CLEC2A: variants seen among roughly 807,000 people sequenced by gnomAD.
CLEC2A encodes keratinocyte-associated C-type lectin.
Under a neutral mutation model 18.6 loss-of-function variants are expected in CLEC2A, and 19 were observed. That is an observed-to-expected ratio of 1.02 (90% confidence interval 0.71 to 1.50). The LOEUF (loss-of-function observed/expected upper bound fraction) is 1.50, where lower values mean the gene tolerates loss of function less well. Ranked by LOEUF, CLEC2A falls within the 40% of genes most tolerant of loss-of-function variation. The pLI, the probability that CLEC2A is intolerant of heterozygous loss-of-function variation, is 0.00. For synonymous variants in CLEC2A, 74 were observed against 64.0 expected (o/e 1.16, Z -0.75); for missense variants, 190 against 207.9 (o/e 0.91, Z 0.53).
the CLEC2A span, among the ~76,000 whole-genome samples, chr12:9,884,650 T>C: frequency 1.3e-5 from 2 of 149,378 alleles, no homozygotes; most frequent in Admixed American, 6.7e-5. Context: ...ATATATAATA[T>C]GTATTTGTAT....
At chr12:9,903,206 CA>C (rs1862860746) in intron 4 of CLEC2A, among the ~76,000 whole-genome samples, 1 of 151,786 alleles carries the variant, frequency 6.6e-6, no homozygotes, top group South Asian at 2.1e-4. Flanking sequence ...TCCTCCTCTT[CA>C]AATTTTTCTA....
At chr12:9,889,529 T>C in the CLEC2A span, among the ~76,000 whole-genome samples, 2 of 152,102 alleles carry the variant, frequency 1.3e-5, no homozygotes, top group African/African-American at 4.8e-5. Flanking sequence ...ACTGAAGATA[T>C]AATATTAATT....
At chr12:9,886,855 G>T in the CLEC2A span, among the ~76,000 whole-genome samples, 1 of 151,918 alleles carries the variant, frequency 6.6e-6, no homozygotes, top group African/African-American at 2.4e-5. Context: ...TGGACTGGTG[G>T]TCGGTGCAAT....
intron 4 of CLEC2A, chr12:9,899,041 G>T (rs1862790520): frequency 2.9e-6 from 2 of 686,938 alleles, no homozygotes; most frequent in East Asian, 5.4e-5. Context: ...CAAAACAAGG[G>T]GAGGAGTAAG....
rs73248001 is a variant in CLEC2A, at chr12:9,931,085, C to T, written c.55+1190G>A. 7.6e-3 allele frequency among the ~76,000 whole-genome samples: 1,153 copies of T among 152,028 alleles called. 21 individuals are homozygous for T. The highest frequency in any genetic ancestry group is 0.026 in the African/African-American group (1,070 of 41,470). ...AGATGTTCTAATGATTCCTGCAGCC[C>T]GGCTTTCTCATAATCTTCCAGTACA... On this transcript the variant is annotated intron_variant, in intron 1 of 4. Transcript: ENST00000455827.
chr12:9,915,199 A>G (rs1038838969), intron 4 of CLEC2A, among the ~76,000 whole-genome samples: 1 of 152,148 alleles, frequency 6.6e-6, no homozygotes, highest in African/African-American at 2.4e-5. Flanking sequence ...AAGTCAAAAA[A>G]CTAAAGATGC....
chr12:9,926,684 G>A (rs894220713), intron 1 of CLEC2A, among the ~76,000 whole-genome samples: 2 of 151,952 alleles, frequency 1.3e-5, no homozygotes, highest in African/African-American at 2.4e-5. Context: ...AAAGGTCCAC[G>A]ATTAGAGCAA....
downstream of CLEC2A, among the ~76,000 whole-genome samples, chr12:9,912,621 A>G (rs926799676): frequency 4.0e-5 from 6 of 150,828 alleles, no homozygotes; most frequent in Admixed American, 1.3e-4. Context: ...ATGCTCACAG[A>G]TGTTTTAGAG....
At chr12:9,923,172 C>T (rs1844825800) in intron 2 of CLEC2A, among the ~76,000 whole-genome samples, 1 of 152,106 alleles carries the variant, frequency 6.6e-6, no homozygotes, top group South Asian at 2.1e-4. Context: ...AGGTATTTTG[C>T]AATCTATCCA....
the CLEC2A span, chr12:9,892,930 T>A: frequency 9.1e-7 from 1 of 1,094,028 alleles, no homozygotes; most frequent in Non-Finnish European, 1.3e-6. Flanking sequence ...GTTGGAAAAA[T>A]CTATTTTCCA....
chr12:9,887,830 G>A, the CLEC2A span, among the ~76,000 whole-genome samples: 6 of 150,992 alleles, frequency 4.0e-5, no homozygotes, highest in African/African-American at 1.5e-4. Context: ...GGCAGGTGGA[G>A]CGCTTGAGCC....
At chr12:9,888,383 G>A in the CLEC2A span, among the ~76,000 whole-genome samples, 6 of 151,842 alleles carry the variant, frequency 4.0e-5, no homozygotes, top group African/African-American at 7.3e-5. Flanking sequence ...CCATATGCTC[G>A]GGAGGCTGAG....
At position 9,913,531 on chromosome 12, in the gene CLEC2A, T is replaced by G. The variant is rs1158298565; in HGVS notation, c.*35A>C. 2 of 1,532,810 alleles carry G rather than the reference T, an allele frequency of 1.3e-6. No individual in the cohort carries two copies. The highest frequency in any genetic ancestry group is 1.8e-6 in the Non-Finnish European group (2 of 1,142,634). The allele number at this position is 1,532,810 out of a possible 1,614,324, so 95.0% of individuals were successfully genotyped here. On this transcript the variant is annotated 3_prime_UTR_variant, in exon 5 of 5. Transcript: ENST00000455827. Reference sequence around the variant, plus strand: ...GCATAATTAGCTCTTCTTTCAATCTTGAAGTGTGATAATCATTTTCAAGTT... The same window carrying G: ...GCATAATTAGCTCTTCTTTCAATCTGGAAGTGTGATAATCATTTTCAAGTT...
chr12:9,897,159 C>T (rs558265675), downstream of CLEC2A, among the ~76,000 whole-genome samples: 7 of 152,250 alleles, frequency 4.6e-5, no homozygotes, highest in African/African-American at 1.7e-4. Context: ...CGTGTCTAGC[C>T]TCTCAATTAT....
chr12:9,908,773 C>A (rs564195751), downstream of CLEC2A, among the ~76,000 whole-genome samples: 8 of 152,070 alleles, frequency 5.3e-5, no homozygotes, highest in Non-Finnish European at 1.0e-4. Flanking sequence ...GCTTGGCCCC[C>A]CTGTGTTCTT....
intron 3 of CLEC2A, 36 bp from the exon 4 acceptor site, chr12:9,916,839 T>C: frequency 8.0e-7 from 1 of 1,249,946 alleles, no homozygotes; most frequent in Non-Finnish European, 1.1e-6. Context: ...GATTACTTAA[T>C]ATGTTACAGC....
intron 4 of CLEC2A, among the ~76,000 whole-genome samples, chr12:9,900,480 G>A (rs1386148285): frequency 6.6e-6 from 1 of 151,996 alleles, no homozygotes; most frequent in East Asian, 1.9e-4. Context: ...TTTTATGCTT[G>A]GCCTGATTGT....
chr12:9,920,497 G>C (rs1424514731), intron 3 of CLEC2A, among the ~76,000 whole-genome samples: 2 of 152,198 alleles, frequency 1.3e-5, no homozygotes, highest in Non-Finnish European at 2.9e-5. Flanking sequence ...CCTGGGCGAG[G>C]GGAGTTCCCC....
chr12:9,904,328 G>A (rs756026671), intron 4 of CLEC2A, among the ~76,000 whole-genome samples: 1 of 152,178 alleles, frequency 6.6e-6, no homozygotes, highest in Non-Finnish European at 1.5e-5. Context: ...TGGTCGGCTG[G>A]AGGACCATAC....
Sources: allele counts gnomAD v4.1 joint callset (sites outside exome capture counted in the v4.1 genomes callset), GRCh38; gene constraint gnomAD v4.1.1; transcripts MANE v1.5; gene names NCBI Gene and HGNC (gene_info 2026-07-23, HGNC 2026-07-21).